Variants in VPS41 observed in about 807,000 individuals in gnomAD.
The protein encoded by VPS41 is vacuolar protein sorting-associated protein 41 homolog.
Under a neutral mutation model 130.9 loss-of-function variants are expected in VPS41, and 85 were observed. The observed-to-expected ratio is 0.65, with a 90% confidence interval of 0.55 to 0.78. VPS41 has a LOEUF of 0.78. Ranked by LOEUF, VPS41 falls within the 30% of genes least tolerant of loss-of-function variation. The pLI, the probability that VPS41 is intolerant of heterozygous loss-of-function variation, is 0.00. For synonymous variants in VPS41, 335 were observed against 332.9 expected, an observed-to-expected ratio of 1.01 and a Z score of -0.07; for missense variants, 874 against 1,018.7, an observed-to-expected ratio of 0.86 and a Z score of 1.93.
intron 6 of VPS41, among the ~76,000 whole-genome samples, chr7:38,820,207 C>G (rs377110551): frequency 2.0e-5 from 3 of 152,158 alleles, no homozygotes; most frequent in African/African-American, 7.2e-5. Context: ...TGAACACTCA[C>G]TATCATTCTT....
intron 7 of VPS41, chr7:38,797,112 C>A (rs1163992437): frequency 1.5e-5 from 5 of 336,426 alleles, no homozygotes; most frequent in Non-Finnish European, 2.8e-5. Flanking sequence ...CACAAGGTGG[C>A]ACCAAAACAC....
intron 17 of VPS41, among the ~76,000 whole-genome samples, chr7:38,762,048 T>A (rs749264124): frequency 3.3e-5 from 5 of 152,200 alleles, no homozygotes; most frequent in Non-Finnish European, 2.9e-5. Flanking sequence ...CTCATGGTAC[T>A]GCCAACTTCG....
chr7:38,726,142 C>T lies in VPS41; in HGVS notation c.*104G>A. ...AAATTGTTTTTGAGTATAATATAAA[C>T]ATAAACAAATCTCTTAACAGCACGA... On this transcript the variant is annotated 3_prime_UTR_variant, in exon 29 of 29. Coordinates refer to ENST00000310301, the MANE Select transcript of VPS41 (RefSeq NM_014396.4). 1.3e-6 allele frequency: 1 copy of T among 754,162 alleles called. No homozygotes were observed. Among genetic ancestry groups the T allele is most frequent in the Non-Finnish European group, 2.3e-6 (1 of 433,216 alleles). The allele number at this position is 754,162 out of a possible 1,614,324, so 46.7% of individuals were successfully genotyped here. A position where few individuals can be genotyped will look rare whatever the true frequency, so the allele number is the denominator to read the frequency against.
At chr7:38,892,156 A>G (rs963633849) in intron 2 of VPS41, among the ~76,000 whole-genome samples, 1 of 152,114 alleles carries the variant, frequency 6.6e-6, no homozygotes, top group African/African-American at 2.4e-5. Flanking sequence ...AGAAAATTCC[A>G]AAGATTTTTT....
Position 38,754,995 on chromosome 7 carries a change from A to G in VPS41, c.1696-59T>C. 2.0e-6 allele frequency: 3 copies of G among 1,511,570 alleles called. No homozygotes were observed. The South Asian group carries it at 3.4e-5, about 17-fold the overall frequency. The allele number at this position is 1,511,570 out of a possible 1,614,324, so 93.6% of individuals were successfully genotyped here. ...ATCCGTTATTTAAGAAGAGAAGACTAAACACAATGCAGTGTACCTACCACA... is the reference window on the plus strand; with the variant it reads ...ATCCGTTATTTAAGAAGAGAAGACTGAACACAATGCAGTGTACCTACCACA... On this transcript the variant is annotated intron_variant, in intron 19 of 28. Coordinates refer to ENST00000310301, the MANE Select transcript of VPS41 (RefSeq NM_014396.4).
intron 4 of VPS41, among the ~76,000 whole-genome samples, chr7:38,838,587 G>A (rs549025882): frequency 6.6e-6 from 1 of 152,248 alleles, no homozygotes; most frequent in South Asian, 2.1e-4. Context: ...ATGTCAAGCT[G>A]ACACTATAGA....
chr7:38,805,856 T>C (rs557774515), intron 7 of VPS41, among the ~76,000 whole-genome samples: 1 of 152,268 alleles, frequency 6.6e-6, no homozygotes, highest in Non-Finnish European at 1.5e-5. Flanking sequence ...CAATAATTAT[T>C]CCAGATTTGG....
chr7:38,873,577 G>A (rs1336774668), intron 2 of VPS41, among the ~76,000 whole-genome samples: 2 of 152,128 alleles, frequency 1.3e-5, no homozygotes, highest in African/African-American at 4.8e-5. Flanking sequence ...ACCATCAACA[G>A]TCTGAGTTAA....
intron 1 of VPS41, among the ~76,000 whole-genome samples, chr7:38,901,038 T>C (rs1787129015): frequency 6.6e-6 from 1 of 152,218 alleles, no homozygotes; most frequent in South Asian, 2.1e-4. Flanking sequence ...AAACTTTTTT[T>C]TTAGCTTCAC....
chr7:38,786,514 C>A (rs568048026), intron 10 of VPS41, among the ~76,000 whole-genome samples: 3 of 152,198 alleles, frequency 2.0e-5, no homozygotes, highest in African/African-American at 7.2e-5. Context: ...GTTGTTACAT[C>A]CCTCCCAAAA....
At chr7:38,859,020 G>A (rs1331485501) in intron 4 of VPS41, among the ~76,000 whole-genome samples, 1 of 152,044 alleles carries the variant, frequency 6.6e-6, no homozygotes, top group Non-Finnish European at 1.5e-5. Context: ...ATGTGGAGGT[G>A]GAAGACAGTG....
At chr7:38,728,460 G>A (rs117354990) in intron 27 of VPS41, 82 bp downstream of exon 27, 202 of 1,404,466 alleles carry the variant, frequency 1.4e-4, no homozygotes, top group Non-Finnish European at 1.9e-4. Context: ...TTTTATAAAC[G>A]GTAGTTGGCT....
At chr7:38,770,719 T>C (rs182567820) in intron 14 of VPS41, among the ~76,000 whole-genome samples, 66 of 152,332 alleles carry the variant, frequency 4.3e-4, no homozygotes, top group African/African-American at 1.5e-3. Context: ...CTGTCACAGT[T>C]AACAAGGAAA....
At chr7:38,730,866 C>A (rs1243185735) in intron 25 of VPS41, among the ~76,000 whole-genome samples, 1 of 152,034 alleles carries the variant, frequency 6.6e-6, no homozygotes, top group Non-Finnish European at 1.5e-5. Flanking sequence ...AAGGCAGGGC[C>A]AGCAGTCTAG....
At chr7:38,742,948 G>A (rs956830188) in intron 24 of VPS41, among the ~76,000 whole-genome samples, 3 of 151,954 alleles carry the variant, frequency 2.0e-5, no homozygotes, top group African/African-American at 7.3e-5. Flanking sequence ...AATAGTGCAG[G>A]AAAGAGGCTA....
At chr7:38,813,137 A>T (rs907615076) in intron 7 of VPS41, among the ~76,000 whole-genome samples, 3 of 152,224 alleles carry the variant, frequency 2.0e-5, no homozygotes, top group Non-Finnish European at 4.4e-5. Flanking sequence ...ATCAAGCGAC[A>T]AACGGATGAA....
intron 4 of VPS41, among the ~76,000 whole-genome samples, chr7:38,856,278 C>A (rs1785983517): frequency 6.6e-6 from 1 of 152,122 alleles, no homozygotes; most frequent in African/African-American, 2.4e-5. Context: ...CCTGTCGTAG[C>A]CTCCTGAGTT....
intron 4 of VPS41, among the ~76,000 whole-genome samples, chr7:38,841,133 C>T (rs1348733616): frequency 2.0e-5 from 3 of 152,184 alleles, no homozygotes; most frequent in African/African-American, 7.2e-5. Context: ...AATCCAGAAC[C>T]AGACTACAAA....
intron 22 of VPS41, 147 bp downstream of exon 22, chr7:38,752,029 G>T: frequency 8.4e-7 from 1 of 1,188,070 alleles, no homozygotes; most frequent in Non-Finnish European, 1.2e-6. Context: ...GAATGTCCCA[G>T]CCAAAAACCT....
Sources: gnomAD v4.1 joint callset for allele counts (sites outside exome capture counted in the v4.1 genomes callset) on GRCh38, gnomAD v4.1.1 for gene constraint, MANE v1.5 for transcripts, NCBI Gene and HGNC (gene_info 2026-07-23, HGNC 2026-07-21) for gene names.